Variants in ZNF827 observed in about 807,000 individuals in gnomAD.
ZNF827 encodes zinc finger protein 827.
Under a neutral mutation model 102.4 loss-of-function variants are expected in ZNF827, and 13 were observed. That is an observed-to-expected ratio of 0.13 (90% CI 0.08 to 0.20). The LOEUF (loss-of-function observed/expected upper bound fraction) is 0.20, where lower values mean the gene tolerates loss of function less well. Ranked by LOEUF, ZNF827 falls within the 10% of genes least tolerant of loss-of-function variation. The pLI is 1.00. For synonymous variants in ZNF827, 523 were observed against 536.2 expected (o/e 0.98, Z 0.34); for missense variants, 1,103 against 1,344.4 (o/e 0.82, Z 2.81).
At chr4:145,801,625 AC>A (rs1222545481) in intron 8 of ZNF827, among the ~76,000 whole-genome samples, 20 of 152,290 alleles carry the variant, frequency 1.3e-4, no homozygotes, top group African/African-American at 3.9e-4. Context: ...CTTTCAAATC[AC>A]TACACTCATC....
intron 1 of ZNF827, among the ~76,000 whole-genome samples, chr4:145,904,407 T>A (rs962253572): frequency 7.2e-5 from 11 of 152,066 alleles, no homozygotes; most frequent in African/African-American, 2.7e-4. Context: ...GAAAACCACA[T>A]AGGGCAAGAC....
chr4:145,837,915 C>T (rs1258163327), intron 7 of ZNF827, among the ~76,000 whole-genome samples: 28 of 152,258 alleles, frequency 1.8e-4, no homozygotes, highest in Middle Eastern at 3.4e-3. Context: ...TAGGTTCCCA[C>T]GCCGCCCCTA....
At chr4:145,802,370 T>C (rs1375581602) in intron 8 of ZNF827, among the ~76,000 whole-genome samples, 3 of 152,240 alleles carry the variant, frequency 2.0e-5, no homozygotes, top group Non-Finnish European at 2.9e-5. Flanking sequence ...TTCACTCCTG[T>C]TGGGCACAAC....
At chr4:145,873,454 A>G (rs1460685545) in intron 4 of ZNF827, among the ~76,000 whole-genome samples, 2 of 152,250 alleles carry the variant, frequency 1.3e-5, no homozygotes, top group Admixed American at 1.3e-4. Context: ...TTTAATAATT[A>G]GATGGGAGAT....
intron 7 of ZNF827, among the ~76,000 whole-genome samples, chr4:145,834,513 T>G (rs1420863547): frequency 6.6e-6 from 1 of 152,112 alleles, no homozygotes; most frequent in Admixed American, 6.5e-5. Flanking sequence ...TCCTCACACC[T>G]GGTCCGGCTT....
intron 1 of ZNF827, among the ~76,000 whole-genome samples, chr4:145,923,507 T>C (rs1479878933): frequency 6.7e-6 from 1 of 149,034 alleles, no homozygotes; most frequent in Non-Finnish European, 1.5e-5. Flanking sequence ...TAATCCCAGC[T>C]ACTTGGGAGG....
At chr4:145,837,209 T>C (rs936243013) in intron 7 of ZNF827, among the ~76,000 whole-genome samples, 123 of 152,036 alleles carry the variant, frequency 8.1e-4, no homozygotes, top group African/African-American at 2.8e-3. Context: ...TAGTATTCAG[T>C]GAAACCTTTA....
intron 11 of ZNF827, among the ~76,000 whole-genome samples, chr4:145,768,013 CTG>C (rs1332666725): frequency 1.3e-5 from 2 of 152,074 alleles, no homozygotes; most frequent in Admixed American, 6.5e-5. Context: ...ACAAAAATAA[CTG>C]TTTTGTAGGG....
chr4:145,880,588 A>C (rs188433780), intron 4 of ZNF827, among the ~76,000 whole-genome samples: 324 of 152,334 alleles, frequency 2.1e-3, no homozygotes, highest in African/African-American at 7.3e-3. Flanking sequence ...AAAATAAGAA[A>C]GAGTCACACT....
In ZNF827 at chr4:145,873,766, GA is replaced by G. The variant is rs571858927; in HGVS notation, c.1748-3289del. 1.8e-4 allele frequency among the ~76,000 whole-genome samples: 27 copies of G among 152,240 alleles called. No homozygotes were observed. The South Asian group carries it at 5.2e-3, about 29-fold the overall frequency. On this transcript the variant is annotated intron_variant, in intron 4 of 14. Transcript: ENST00000508784. ...TGCACCTTTCCCCCACTTCTTGGGGGATTTTGCTGGTCACCCTTCTAAAGCT... is the reference window on the plus strand; with the variant it reads ...TGCACCTTTCCCCCACTTCTTGGGGGTTTTGCTGGTCACCCTTCTAAAGCT...
At chr4:145,890,791 C>T (rs1365461773) in intron 3 of ZNF827, among the ~76,000 whole-genome samples, 5 of 152,290 alleles carry the variant, frequency 3.3e-5, no homozygotes, top group South Asian at 2.1e-4. Flanking sequence ...AAAACTAAGT[C>T]GGCTGAGTAA....
chr4:145,809,004 T>C (rs1239272355), intron 8 of ZNF827, among the ~76,000 whole-genome samples: 4 of 152,176 alleles, frequency 2.6e-5, no homozygotes, highest in Admixed American at 1.3e-4. Context: ...TCTTGCTACA[T>C]TGCCCAGGCT....
At chr4:145,908,957 T>G (rs1472188807) in intron 1 of ZNF827, among the ~76,000 whole-genome samples, 4 of 152,174 alleles carry the variant, frequency 2.6e-5, no homozygotes, top group Admixed American at 2.0e-4. Context: ...AGACAAAAAT[T>G]CATTAACAAG....
At chr4:145,922,805 A>G (rs1753167072) in intron 1 of ZNF827, among the ~76,000 whole-genome samples, 1 of 152,218 alleles carries the variant, frequency 6.6e-6, no homozygotes, top group African/African-American at 2.4e-5. Context: ...TCTTCATTGG[A>G]AATGAAAAGT....
In ZNF827 at chr4:145,765,815, T is replaced by C. The variant is rs908419645; in HGVS notation, c.2861-77A>G. On this transcript the variant is annotated intron_variant, in intron 11 of 14. Transcript: ENST00000508784. This position sits in a 1 kb window ranked among gnomAD's most constrained non-coding sequence, Gnocchi z 4.7. The stretch of plus-strand genomic sequence containing the variant: ...ATTATAGCAACTGAGGGTGACGAGT[T>C]GAGTCTCATGGATGCATCATCATTC... 1.6e-5 allele frequency: 23 copies of C among 1,445,118 alleles called. No homozygotes were observed. The highest frequency in any genetic ancestry group is 5.8e-5 in the Admixed American group (3 of 52,088). The allele number at this position is 1,445,118 out of a possible 1,614,324, so 89.5% of individuals were successfully genotyped here. A position where few individuals can be genotyped will look rare whatever the true frequency, so the allele number is the denominator to read the frequency against.
chr4:145,888,579 C>G (rs889271273), intron 3 of ZNF827, among the ~76,000 whole-genome samples: 1 of 152,206 alleles, frequency 6.6e-6, no homozygotes, highest in Non-Finnish European at 1.5e-5. Context: ...TGGGAAACCT[C>G]TACTCCATCC....
Position 145,823,527 on chromosome 4 carries a change from TG to T in ZNF827, c.2280-3del. On this transcript the variant is annotated splice_region_variant and splice_polypyrimidine_tract_variant and intron_variant, in intron 7 of 14. Transcript: ENST00000508784. ...AATGTGTCTTCTGAAAAGAAAGGGC[TG>T]GGGTGGGGGAGGGGGAGTGAAGTTT... 6.8e-7 allele frequency: 1 copy of T among 1,466,146 alleles called. No homozygotes were observed. Among genetic ancestry groups the T allele is most frequent in the Non-Finnish European group, 9.3e-7 (1 of 1,075,012 alleles). 90.8% of individuals were successfully genotyped at this position (1,466,146 alleles called of 1,614,324 possible). A position where few individuals can be genotyped will look rare whatever the true frequency, so the allele number is the denominator to read the frequency against.
chr4:145,855,144 C>T (rs548061149), intron 5 of ZNF827, among the ~76,000 whole-genome samples: 57 of 152,324 alleles, frequency 3.7e-4, no homozygotes, highest in African/African-American at 1.3e-3. Context: ...GGATGGAACA[C>T]TGGAAATGGC....
Position 145,762,560 on chromosome 4 carries a change from G to A in ZNF827, c.*17+530C>T, listed in dbSNP as rs1283789441. ...TTGAGTGGTCTCTACAGGCAATTTA[G>A]GTAGATTCTGGAAGGGCGGATGCTG... On this transcript the variant is annotated intron_variant, in intron 14 of 14. Transcript: ENST00000508784. The surrounding 1 kb of genome is among the most constrained non-coding windows in gnomAD (Gnocchi z 4.9). 6.6e-6 allele frequency among the ~76,000 whole-genome samples: 1 copy of A among 152,114 alleles called. No individual in the cohort carries two copies. Among genetic ancestry groups the A allele is most frequent in the Non-Finnish European group, 1.5e-5 (1 of 68,018 alleles).
Sources: allele counts gnomAD v4.1 joint callset (sites outside exome capture counted in the v4.1 genomes callset), GRCh38; gene constraint gnomAD v4.1.1; non-coding constraint Gnocchi (gnomAD v3.1); transcripts MANE v1.5; gene names NCBI Gene and HGNC (gene_info 2026-07-23, HGNC 2026-07-21).